The following ATG10 variants were observed in gnomAD, a reference collection of about 807,000 sequenced individuals.
ATG10 encodes the protein autophagy related 10.
Under a neutral mutation model 32.1 loss-of-function variants are expected in ATG10, and 30 were observed. The ratio of observed to expected loss-of-function variants is 0.94; its 90% CI spans 0.70 to 1.27. The LOEUF (loss-of-function observed/expected upper bound fraction) is 1.27. Among genes scored for constraint, ATG10 ranks in the 50% most tolerant of loss-of-function variants. The probability of loss-of-function intolerance (pLI) is 0.00; values close to 1 mark genes in which losing one functional copy is unlikely to be tolerated. For synonymous variants in ATG10, 87 were observed against 91.5 expected, an observed-to-expected ratio of 0.95 and a Z score of 0.28; for missense variants, 233 against 262.3, an observed-to-expected ratio of 0.89 and a Z score of 0.77.
chr5:82,045,703 C>T (rs181809525), intron 2 of ATG10, among the ~76,000 whole-genome samples: 52 of 152,156 alleles, frequency 3.4e-4, no homozygotes, highest in Non-Finnish European at 6.3e-4. Flanking sequence ...GAGATTGTGA[C>T]TCATTCTGGG....
chr5:82,100,277 G>T (rs1305292548), intron 3 of ATG10, among the ~76,000 whole-genome samples: 1 of 152,004 alleles, frequency 6.6e-6, no homozygotes, highest in Non-Finnish European at 1.5e-5. Flanking sequence ...AAAGTGCTGG[G>T]ATTATAGGCG....
At chr5:82,184,457 G>C (rs1172325928) in intron 5 of ATG10, among the ~76,000 whole-genome samples, 2 of 151,962 alleles carry the variant, frequency 1.3e-5, no homozygotes, top group Non-Finnish European at 2.9e-5. Flanking sequence ...TCCCACCCTG[G>C]AATTTATACT....
chr5:82,157,698 T>G (rs890629463), intron 3 of ATG10, among the ~76,000 whole-genome samples: 1 of 152,232 alleles, frequency 6.6e-6, no homozygotes, highest in African/African-American at 2.4e-5. Flanking sequence ...TTATCACTTC[T>G]GAAAATATTA....
At chr5:82,186,889 G>GT (rs1744468376) in intron 5 of ATG10, among the ~76,000 whole-genome samples, 2 of 152,076 alleles carry the variant, frequency 1.3e-5, no homozygotes, top group South Asian at 2.1e-4. Context: ...GCCAATATTC[G>GT]TTTTTTTATC....
Position 82,254,970 on chromosome 5 carries a change from T to A in ATG10, c.*907T>A, listed in dbSNP as rs1747412886. ...GTTGTAAAACAAAGAAAAAACACAATATTTTACTGTGAGATAATATGTTTT... is the reference window on the plus strand; with the variant it reads ...GTTGTAAAACAAAGAAAAAACACAAAATTTTACTGTGAGATAATATGTTTT... On this transcript the variant is annotated 3_prime_UTR_variant, in exon 8 of 8. Transcript: ENST00000282185. 1 of 151,752 alleles carries A rather than the reference T, an allele frequency of 6.6e-6. No individual in the cohort carries two copies. Among genetic ancestry groups the A allele is most frequent in the Non-Finnish European group, 1.5e-5 (1 of 67,950 alleles). 9.4% of individuals were successfully genotyped at this position (151,752 alleles called of 1,614,324 possible).
intron 3 of ATG10, among the ~76,000 whole-genome samples, chr5:82,136,664 C>A (rs559933453): frequency 6.6e-6 from 1 of 152,136 alleles, no homozygotes; most frequent in African/African-American, 2.4e-5. Context: ...TTCATTTCAG[C>A]CTTGGTGAAG....
intron 2 of ATG10, among the ~76,000 whole-genome samples, chr5:82,052,335 A>T (rs941044951): frequency 1.3e-5 from 2 of 152,162 alleles, no homozygotes; most frequent in Non-Finnish European, 2.9e-5. Context: ...GACAGCTTGT[A>T]CTAAAACAGA....
chr5:82,252,345 C>A (rs1053491250), intron 5 of ATG10, among the ~76,000 whole-genome samples: 1 of 152,188 alleles, frequency 6.6e-6, no homozygotes, highest in Non-Finnish European at 1.5e-5. Context: ...CTGCTATACT[C>A]GACCATACTG....
At chr5:81,978,989 T>C (rs985923962) in intron 1 of ATG10, among the ~76,000 whole-genome samples, 1 of 152,122 alleles carries the variant, frequency 6.6e-6, no homozygotes, top group African/African-American at 2.4e-5. Context: ...AACTTTCGCC[T>C]CCTGGGTTTA....
At chr5:82,044,042 T>C (rs1763164863) in intron 2 of ATG10, among the ~76,000 whole-genome samples, 1 of 152,056 alleles carries the variant, frequency 6.6e-6, no homozygotes, top group African/African-American at 2.4e-5. Flanking sequence ...TCTATATTAG[T>C]CTGTTCTCAC....
chr5:82,118,572 A>T (rs1765922762), intron 3 of ATG10, among the ~76,000 whole-genome samples: 1 of 151,640 alleles, frequency 6.6e-6, no homozygotes, highest in South Asian at 2.1e-4. Flanking sequence ...CATGAAATGC[A>T]TGAGGATGAG....
intron 3 of ATG10, among the ~76,000 whole-genome samples, chr5:82,077,166 A>G (rs752617073): frequency 6.6e-6 from 1 of 152,142 alleles, no homozygotes; most frequent in Non-Finnish European, 1.5e-5. Flanking sequence ...TATTTTAAAA[A>G]TACAAAACTA....
chr5:82,213,197 A>C (rs1308407810), intron 5 of ATG10, among the ~76,000 whole-genome samples: 1 of 152,128 alleles, frequency 6.6e-6, no homozygotes, highest in African/African-American at 2.4e-5. Context: ...ACTTAGTTTA[A>C]CTCAAAGATA....
chr5:82,254,307 A>G lies in ATG10; in HGVS notation c.*244A>G, dbSNP rs1328734312. 1.3e-5 allele frequency: 2 copies of G among 152,366 alleles called. No homozygotes were observed. Among genetic ancestry groups the G allele is most frequent in the African/African-American group, 4.8e-5 (2 of 41,460 alleles). The allele number at this position is 152,366 out of a possible 1,614,324, so 9.4% of individuals were successfully genotyped here. On this transcript the variant is annotated 3_prime_UTR_variant, in exon 8 of 8. Coordinates refer to ENST00000282185, the MANE Select transcript of ATG10 (RefSeq NM_031482.5). Reference sequence around the variant, plus strand: ...CATGGTGGCTCACACCTGTAATCCAAGCACTTTGGGAGGCCAAGGTGGGAG... The same window carrying G: ...CATGGTGGCTCACACCTGTAATCCAGGCACTTTGGGAGGCCAAGGTGGGAG...
chr5:81,990,390 A>C (rs1483158691), intron 2 of ATG10, among the ~76,000 whole-genome samples: 1 of 152,048 alleles, frequency 6.6e-6, no homozygotes, highest in African/African-American at 2.4e-5. Flanking sequence ...CCTGTTAACC[A>C]TTCCATTACC....
At chr5:82,229,529 A>G (rs1746263571) in intron 5 of ATG10, among the ~76,000 whole-genome samples, 2 of 152,336 alleles carry the variant, frequency 1.3e-5, no homozygotes, top group South Asian at 2.1e-4. Flanking sequence ...TGTAATTAAT[A>G]TATAATTTTG....
At chr5:82,163,993 T>C (rs1743474320) in intron 3 of ATG10, among the ~76,000 whole-genome samples, 1 of 152,214 alleles carries the variant, frequency 6.6e-6, no homozygotes, top group Non-Finnish European at 1.5e-5. Context: ...CAATAGAATC[T>C]TTAGGGACAT....
intron 3 of ATG10, among the ~76,000 whole-genome samples, chr5:82,118,046 A>G (rs1461281986): frequency 6.6e-6 from 1 of 152,038 alleles, no homozygotes; most frequent in African/African-American, 2.4e-5. Flanking sequence ...GACAATAATG[A>G]TGGAGAACAA....
chr5:82,204,661 C>T (rs1373035097), intron 5 of ATG10, among the ~76,000 whole-genome samples: 1 of 152,020 alleles, frequency 6.6e-6, no homozygotes, highest in African/African-American at 2.4e-5. Flanking sequence ...TACATGGTAG[C>T]AGAGGCATGT....
Sources: allele counts gnomAD v4.1 joint callset (sites outside exome capture counted in the v4.1 genomes callset), GRCh38; gene constraint gnomAD v4.1.1; transcripts MANE v1.5; gene names NCBI Gene and HGNC (gene_info 2026-07-23, HGNC 2026-07-21).